Variants in GCFC2 observed in about 807,000 individuals in gnomAD.
The protein encoded by GCFC2 is GC-rich sequence DNA-binding factor 2.
A neutral mutation model predicts 99.4 loss-of-function variants in GCFC2; 102 were observed. The ratio of observed to expected loss-of-function variants is 1.03; its 90% CI spans 0.87 to 1.21. GCFC2 has a LOEUF of 1.21. Among genes scored for constraint, GCFC2 ranks in the 50% most tolerant of loss-of-function variants. The pLI is 0.00. For missense variants in GCFC2, 973 were observed against 920.9 expected (o/e 1.06, Z -0.73); for synonymous variants, 338 against 316.8 (o/e 1.07, Z -0.71).
intron 14 of GCFC2, chr2:75,670,851 T>G (rs1000977013): frequency 6.6e-6 from 1 of 152,592 alleles, no homozygotes; most frequent in Non-Finnish European, 1.5e-5. Context: ...TTTTTTGCAG[T>G]ACTATATTCA....
intron 6 of GCFC2, 104 bp from the exon 7 acceptor site, chr2:75,692,204 T>C (rs555571825): frequency 7.9e-5 from 25 of 316,326 alleles, no homozygotes; most frequent in African/African-American, 5.3e-4. Context: ...TAAGCATATT[T>C]ATATGCTTAA....
intron 10 of GCFC2, 89 bp from the exon 11 acceptor site, chr2:75,688,066 AGCT>A (rs1164001692): frequency 2.6e-6 from 2 of 772,892 alleles, no homozygotes; most frequent in East Asian, 5.5e-5. Flanking sequence ...TAATCACCAG[AGCT>A]TTTCTAAGGA....
chr2:75,710,468 A>T, intron 1 of GCFC2, 123 bp downstream of exon 1: 1 of 1,383,988 alleles, frequency 7.2e-7, no homozygotes, highest in Non-Finnish European at 9.3e-7. Flanking sequence ...TTTCTGGATA[A>T]GACTCAGCAT....
At position 75,689,193 on chromosome 2, in the gene GCFC2, CA is replaced by C; in HGVS notation, c.1371del (p.Phe457LeufsTer16). 1 of 1,600,168 alleles carries C rather than the reference CA, an allele frequency of 6.2e-7. No homozygotes were observed. Among genetic ancestry groups the C allele is most frequent in the Non-Finnish European group, 8.5e-7 (1 of 1,170,782 alleles). On this transcript the variant is annotated frameshift_variant, in exon 10 of 17. Transcript: ENST00000321027. LOFTEE classifies it high-confidence loss of function. ...GDILQKQKKV[F>X]EEVQDDFCNI... is the part of the protein sequence containing the mutation. Reference sequence around the variant, plus strand: ...TTACAAAAATCATCTTGCACTTCTTCAAAAACTTTCTTCTGTTTCTGTAAAA... The same window carrying C: ...TTACAAAAATCATCTTGCACTTCTTCAAAACTTTCTTCTGTTTCTGTAAAA...
chr2:75,680,110 C>T, intron 12 of GCFC2, 83 bp downstream of exon 12: 4 of 917,094 alleles, frequency 4.4e-6, no homozygotes, highest in Non-Finnish European at 6.7e-6. Flanking sequence ...ATCACTTCTG[C>T]ATCTTTTATA....
At chr2:75,695,264 G>A (rs1033126106) in intron 5 of GCFC2, among the ~76,000 whole-genome samples, 1 of 151,952 alleles carries the variant, frequency 6.6e-6, no homozygotes, top group Non-Finnish European at 1.5e-5. Flanking sequence ...ACATAGAGTT[G>A]AGCAGTTACA....
At chr2:75,675,842 ATT>A (rs1265518617) in intron 12 of GCFC2, among the ~76,000 whole-genome samples, 2 of 152,038 alleles carry the variant, frequency 1.3e-5, no homozygotes, top group Non-Finnish European at 2.9e-5. Flanking sequence ...AAATAACATC[ATT>A]TGTTTGATGG....
intron 13 of GCFC2, among the ~76,000 whole-genome samples, chr2:75,672,638 T>A (rs906253542): frequency 6.6e-6 from 1 of 152,152 alleles, no homozygotes; most frequent in Admixed American, 6.6e-5. Context: ...ATACTCGTTT[T>A]ATAATTTAAA....
In GCFC2 at chr2:75,663,697, A is replaced by G. The variant is rs1419873981; in HGVS notation, c.*969T>C. ...AATGTCACGAAACCCCATCTCTACA[A>G]AAAATTACAAAAATCAGCTGGGCAT... On this transcript the variant is annotated 3_prime_UTR_variant, in exon 17 of 17. Transcript: ENST00000321027. The G allele has an allele frequency of 3.3e-5, 5 of 152,350 alleles. No individual in the cohort carries two copies. The East Asian group carries it at 7.7e-4, about 24-fold the overall frequency. 9.4% of individuals were successfully genotyped at this position (152,350 alleles called of 1,614,324 possible). A position where few individuals can be genotyped will look rare whatever the true frequency, so the allele number is the denominator to read the frequency against.
At chr2:75,668,141 C>G (rs960297976) in intron 15 of GCFC2, among the ~76,000 whole-genome samples, 1 of 152,148 alleles carries the variant, frequency 6.6e-6, no homozygotes, top group African/African-American at 2.4e-5. Context: ...ATCCTAAAGT[C>G]TGATCAAATA....
chr2:75,706,975 GTAGAA>G (rs1303014037), intron 1 of GCFC2, among the ~76,000 whole-genome samples: 5 of 152,168 alleles, frequency 3.3e-5, no homozygotes, highest in African/African-American at 1.2e-4. Context: ...TTGTGAATAA[GTAGAA>G]AAGAAAAATA....
chr2:75,694,296 A>C lies in GCFC2; in HGVS notation c.965T>G (p.Phe322Cys). The part of the protein sequence containing the change: ...SSSNQALNCK[F>C]YKSMKIYVEN... ...CACATAAATTTTCATGCTTTTATAG[A>C]ATTTACAATTTAGAGCTTGATTTGA... The change falls in exon 6 of 17, where the codon TTC (phenylalanine) becomes TGC (cysteine). Residue 322 changes from phenylalanine to cysteine, a missense_variant. By Grantham distance (205) the Phe-to-Cys change is radical (BLOSUM62 -2). Transcript: ENST00000321027. The C allele has an allele frequency of 8.1e-7, 1 of 1,240,432 alleles. No individual in the cohort carries two copies. The highest frequency in any genetic ancestry group is 1.2e-6 in the Non-Finnish European group (1 of 863,274). 76.8% of individuals were successfully genotyped at this position (1,240,432 alleles called of 1,614,324 possible). A position where few individuals can be genotyped will look rare whatever the true frequency, so the allele number is the denominator to read the frequency against.
At chr2:75,687,773 C>A in intron 11 of GCFC2, 54 bp downstream of exon 11, 2 of 1,364,284 alleles carry the variant, frequency 1.5e-6, no homozygotes, top group African/African-American at 1.5e-5. Context: ...AATTAACAAC[C>A]TTATATACTC....
chr2:75,710,702 C>A lies in GCFC2; in HGVS notation c.154G>T (p.Ala52Ser). The A allele has an allele frequency of 6.5e-7, 1 of 1,534,020 alleles. No homozygotes were observed. The change falls in exon 1 of 17, where the codon GCG becomes TCG. Residue 52 changes from alanine (A) to serine (S), a missense_variant. Ala to Ser is a moderately conservative substitution (Grantham distance 99). Transcript: ENST00000321027. ...EEEPPSGGGRAQVAGLPHRVR... is the reference protein window; with the variant it reads ...EEEPPSGGGRSQVAGLPHRVR... The stretch of plus-strand genomic sequence containing the variant: ...CGGTGGGGCAGTCCCGCCACCTGCG[C>A]GCGGCCTCCTCCAGAGGGCGGCTCT...
At position 75,701,284 on chromosome 2, in the gene GCFC2, CT is replaced by C; in HGVS notation, c.622del (p.Ser208AlafsTer24). On this transcript the variant is annotated frameshift_variant and splice_region_variant, in exon 4 of 17. Coordinates refer to ENST00000321027, the MANE Select transcript of GCFC2 (RefSeq NM_003203.5). LOFTEE classifies it high-confidence loss of function. ...LRQRMAEESISRNEETSEESQ... is the reference protein window; with the variant it reads ...LRQRMAEESIXRNEETSEESQ... ...TTCTTCACTTGTTTCTTCATTTCTG[CT>C]TACTAGCGGAAAAAAAGCTCACATG... is the stretch of plus-strand genomic sequence containing the variant. 6.3e-7 allele frequency: 1 copy of C among 1,588,432 alleles called. No homozygotes were observed. Among genetic ancestry groups the C allele is most frequent in the Non-Finnish European group, 8.6e-7 (1 of 1,157,328 alleles).
At chr2:75,710,470 A>C in intron 1 of GCFC2, 121 bp downstream of exon 1, 1 of 1,387,386 alleles carries the variant, frequency 7.2e-7, no homozygotes. Flanking sequence ...TCTGGATAAG[A>C]CTCAGCATGG....
At chr2:75,674,994 G>A (rs547444443) in intron 12 of GCFC2, among the ~76,000 whole-genome samples, 1 of 152,118 alleles carries the variant, frequency 6.6e-6, no homozygotes, top group Non-Finnish European at 1.5e-5. Context: ...AACTTACTGA[G>A]TTAGGTGTTC....
chr2:75,691,273 G>C (rs1015788069), intron 7 of GCFC2, among the ~76,000 whole-genome samples: 1 of 152,078 alleles, frequency 6.6e-6, no homozygotes, highest in Non-Finnish European at 1.5e-5. Context: ...TAAGTTATAC[G>C]AATGTTGGGT....
At chr2:75,696,099 CTGT>C (rs1409249041) in intron 5 of GCFC2, 98 bp downstream of exon 5, 5 of 531,716 alleles carry the variant, frequency 9.4e-6, no homozygotes, top group African/African-American at 1.9e-5. Flanking sequence ...CCCCATAAGT[CTGT>C]TTAATATCAG....
Sources: allele counts gnomAD v4.1 joint callset (sites outside exome capture counted in the v4.1 genomes callset), GRCh38; gene constraint gnomAD v4.1.1; transcripts MANE v1.5; gene names NCBI Gene and HGNC (gene_info 2026-07-23, HGNC 2026-07-21).